The following ZNF625 variants were observed in gnomAD, a reference collection of about 807,000 sequenced individuals.
ZNF625 encodes zinc finger protein 625.
A neutral mutation model predicts 11.1 loss-of-function variants in ZNF625; 8 were observed. The observed-to-expected ratio is 0.72, with a 90% CI of 0.42 to 1.30. The LOEUF (loss-of-function observed/expected upper bound fraction) is 1.30, where lower values mean the gene tolerates loss of function less well. ZNF625 is among the 50% of genes most tolerant of loss of function. The probability of loss-of-function intolerance (pLI) is 0.01; values close to 1 mark genes in which losing one functional copy is unlikely to be tolerated. For missense variants in ZNF625, 349 were observed against 447.6 expected (o/e 0.78, Z 1.99); for synonymous variants, 145 against 153.4 (o/e 0.95, Z 0.41).
Position 12,146,237 on chromosome 19 carries a change from A to AG in ZNF625, c.192-14dup, listed in dbSNP as rs765795091. 1 of 1,606,824 alleles carries AG rather than the reference A, an allele frequency of 6.2e-7. No individual in the cohort carries two copies. Among genetic ancestry groups the AG allele is most frequent in the Non-Finnish European group, 8.5e-7 (1 of 1,176,908 alleles). On this transcript the variant is annotated splice_polypyrimidine_tract_variant and intron_variant, in intron 3 of 3. Transcript: ENST00000439556. ...TCCCATAAGACCTCTGTGAACAATG[A>AG]GAAGTATATCATAATGGGTTCCTTT...
chr19:12,147,825 A>G, intron 1 of ZNF625, 23 bp from the exon 2 acceptor site: 1 of 1,613,022 alleles, frequency 6.2e-7, no homozygotes, highest in South Asian at 1.1e-5. Context: ...ACATGTGTAA[A>G]GAAACATGGG....
Position 12,146,190 on chromosome 19 carries a change from T to C in ZNF625, c.226A>G (p.Lys76Glu), listed in dbSNP as rs372298606. 1.2e-6 allele frequency: 2 copies of C among 1,614,140 alleles called. No homozygotes were observed. Among genetic ancestry groups the C allele is most frequent in the Non-Finnish European group, 8.5e-7 (1 of 1,180,032 alleles). ...AAAATTTCTCCATGCTGATGATCTT[T>C]CTTACTTTCTAAGAGTCTCTCTCCC... ...LMGERLLESK[K>E]DHQHGEILTQ... is the part of the protein sequence containing the mutation. The change falls in exon 4 of 4, where the codon AAA becomes GAA. Residue 76 changes from lysine (K) to glutamate (E), a missense_variant. Coordinates refer to ENST00000439556, the MANE Select transcript of ZNF625 (RefSeq NM_145233.4).
chr19:12,149,819 A>G (rs549292685), intron 1 of ZNF625, among the ~76,000 whole-genome samples: 38 of 151,826 alleles, frequency 2.5e-4, no homozygotes, highest in African/African-American at 9.2e-4. Context: ...GGCTCACTGC[A>G]ACCTCTGCCT....
At chr19:12,149,806 C>G (rs1373139099) in intron 1 of ZNF625, among the ~76,000 whole-genome samples, 1 of 151,782 alleles carries the variant, frequency 6.6e-6, no homozygotes, top group Admixed American at 6.6e-5. Context: ...ATGGCGCGCT[C>G]TTGGCTCACT....
At position 12,156,617 on chromosome 19, in the gene ZNF625, C is replaced by G; in HGVS notation, c.-59G>C. On this transcript the variant is annotated 5_prime_UTR_variant, in exon 1 of 4. Coordinates refer to ENST00000439556, the MANE Select transcript of ZNF625 (RefSeq NM_145233.4). ...ACGGATCCCTCTAACAGTCCAGTCA[C>G]AGTGCGGGCGATGGAGCGACAGAAG... 1 of 1,265,958 alleles carries G rather than the reference C, an allele frequency of 7.9e-7. No homozygotes were observed. Among genetic ancestry groups the G allele is most frequent in the African/African-American group, 1.5e-5 (1 of 65,180 alleles). 78.4% of individuals were successfully genotyped at this position (1,265,958 alleles called of 1,614,324 possible).
intron 1 of ZNF625, among the ~76,000 whole-genome samples, chr19:12,148,815 G>C (rs1346866355): frequency 6.6e-6 from 1 of 151,110 alleles, no homozygotes; most frequent in African/African-American, 2.4e-5. Flanking sequence ...GTAGAGACAG[G>C]GTTTCACCGT....
At chr19:12,148,615 T>A (rs1040779086) in intron 1 of ZNF625, among the ~76,000 whole-genome samples, 2 of 148,060 alleles carry the variant, frequency 1.4e-5, no homozygotes, top group Non-Finnish European at 3.0e-5. Context: ...AAAAATAATA[T>A]AACTACCATT....
intron 1 of ZNF625, among the ~76,000 whole-genome samples, chr19:12,154,174 T>C (rs1976997187): frequency 6.6e-6 from 1 of 152,194 alleles, no homozygotes; most frequent in Admixed American, 6.6e-5. Flanking sequence ...TCTTTTCTCT[T>C]GATCTTCATT....
chr19:12,148,973 T>TA lies in ZNF625; in HGVS notation c.4-1172dup, dbSNP rs200467427. 3.8e-4 allele frequency among the ~76,000 whole-genome samples: 58 copies of TA among 150,940 alleles called. No homozygotes were observed. The East Asian group carries it at 4.9e-3, about 13-fold the overall frequency. ...ACTTTTGTGTCTACTTATTTTCAAT[T>TA]AAAAAAAAATTGAAATCCAGATCTT... On this transcript the variant is annotated intron_variant, in intron 1 of 3. Coordinates refer to ENST00000439556, the MANE Select transcript of ZNF625 (RefSeq NM_145233.4).
intron 1 of ZNF625, among the ~76,000 whole-genome samples, chr19:12,149,148 G>A (rs932371937): frequency 2.0e-5 from 3 of 151,514 alleles, no homozygotes; most frequent in Admixed American, 6.6e-5. Context: ...GTGTGGTGGC[G>A]GTGGCGTATG....
At chr19:12,150,279 G>A (rs1976936839) in intron 1 of ZNF625, among the ~76,000 whole-genome samples, 1 of 152,158 alleles carries the variant, frequency 6.6e-6, no homozygotes, top group Non-Finnish European at 1.5e-5. Flanking sequence ...GAAATGTAAG[G>A]ATTTGTTGTT....
chr19:12,155,037 C>T (rs1977007638), intron 1 of ZNF625, among the ~76,000 whole-genome samples: 1 of 152,028 alleles, frequency 6.6e-6, no homozygotes, highest in Non-Finnish European at 1.5e-5. Context: ...ACCAGCTTGG[C>T]CAACATGGTG....
intron 1 of ZNF625, among the ~76,000 whole-genome samples, chr19:12,152,500 C>A (rs554767317): frequency 1.3e-5 from 2 of 152,098 alleles, no homozygotes; most frequent in East Asian, 3.9e-4. Context: ...ACAAGAACAT[C>A]ATAATAGATG....
chr19:12,151,034 A>G (rs1976946778), intron 1 of ZNF625, among the ~76,000 whole-genome samples: 1 of 152,030 alleles, frequency 6.6e-6, no homozygotes, highest in South Asian at 2.1e-4. Context: ...TGTGAGGACC[A>G]GGTGTAGAAT....
chr19:12,156,598 C>A lies in ZNF625; in HGVS notation c.-40G>T. ...GTGTCCTGGCCTCCTCTCCACGGAT[C>A]CCTCTAACAGTCCAGTCACAGTGCG... On this transcript the variant is annotated 5_prime_UTR_variant, in exon 1 of 4. Transcript: ENST00000439556. 1 of 1,341,206 alleles carries A rather than the reference C, an allele frequency of 7.5e-7. No homozygotes were observed. Among genetic ancestry groups the A allele is most frequent in the Non-Finnish European group, 9.6e-7 (1 of 1,044,696 alleles). 83.1% of individuals were successfully genotyped at this position (1,341,206 alleles called of 1,614,324 possible). A position where few individuals can be genotyped will look rare whatever the true frequency, so the allele number is the denominator to read the frequency against.
intron 1 of ZNF625, among the ~76,000 whole-genome samples, chr19:12,153,745 C>T (rs1325346541): frequency 6.7e-6 from 1 of 149,992 alleles, no homozygotes; most frequent in African/African-American, 2.4e-5. Flanking sequence ...CTGCCCATAC[C>T]GGTGTACAAA....
chr19:12,153,665 C>T (rs898197530), intron 1 of ZNF625, among the ~76,000 whole-genome samples: 22 of 134,138 alleles, frequency 1.6e-4, no homozygotes, highest in African/African-American at 5.8e-4. Flanking sequence ...GCCTGGGTGA[C>T]AGAGGGAGTC....
intron 1 of ZNF625, among the ~76,000 whole-genome samples, chr19:12,148,066 G>T (rs553390692): frequency 6.6e-6 from 1 of 152,008 alleles, no homozygotes; most frequent in Non-Finnish European, 1.5e-5. Context: ...TGCAACCTCC[G>T]CCTCCCAGGT....
At chr19:12,147,035 C>T (rs990502983) in intron 3 of ZNF625, among the ~76,000 whole-genome samples, 14 of 147,996 alleles carry the variant, frequency 9.5e-5, no homozygotes, top group African/African-American at 2.8e-4. Flanking sequence ...GGCATGATCT[C>T]GGCTCACTGC....
Sources: allele counts gnomAD v4.1 joint callset (sites outside exome capture counted in the v4.1 genomes callset), GRCh38; gene constraint gnomAD v4.1.1; transcripts MANE v1.5; gene names NCBI Gene and HGNC (gene_info 2026-07-23, HGNC 2026-07-21).